Variants in UBE2E1 observed in about 807,000 individuals in gnomAD.
The protein encoded by UBE2E1 is ubiquitin conjugating enzyme E2 E1.
UBE2E1 carries 6 observed loss-of-function variants against 21.4 expected under a neutral mutation model. The observed-to-expected ratio is 0.28, with a 90% CI of 0.15 to 0.55. The LOEUF (loss-of-function observed/expected upper bound fraction) is 0.55, where lower values mean the gene tolerates loss of function less well. Ranked by LOEUF, UBE2E1 falls within the 20% of genes least tolerant of loss-of-function variation. The probability of loss-of-function intolerance (pLI) is 0.93; values close to 1 mark genes in which losing one functional copy is unlikely to be tolerated. For missense variants in UBE2E1, 142 were observed against 236.5 expected (o/e 0.60, Z 2.62); for synonymous variants, 87 against 82.7 (o/e 1.05, Z -0.28).
intron 3 of UBE2E1, among the ~76,000 whole-genome samples, chr3:23,833,609 A>G (rs1437332809): frequency 6.6e-6 from 1 of 152,252 alleles, no homozygotes; most frequent in Admixed American, 6.5e-5. Context: ...TAGCAAAGCT[A>G]GAGAGAAGAT....
chr3:23,888,055 C>T (rs1701230425), intron 4 of UBE2E1, among the ~76,000 whole-genome samples: 5 of 152,084 alleles, frequency 3.3e-5, no homozygotes, highest in Admixed American at 3.3e-4. Flanking sequence ...ACCTGTAGTC[C>T]AGCTACTTGG....
rs1290343926 is a variant in UBE2E1, at chr3:23,845,933, T to G, written c.203+34423T>G. Among the ~76,000 whole-genome samples, 4 of 152,206 alleles carry G rather than the reference T, an allele frequency of 2.6e-5. No homozygotes were observed. In the East Asian group the frequency reaches 7.7e-4, roughly 29 times the overall value. ...TTTTCTTTAGATTTTTTTAATCACTTAAAAATGTGAAAACCTTTCTTAACT... is the reference window on the plus strand; with the variant it reads ...TTTTCTTTAGATTTTTTTAATCACTGAAAAATGTGAAAACCTTTCTTAACT... On this transcript the variant is annotated intron_variant, in intron 3 of 5. Transcript: ENST00000306627.
chr3:23,832,854 A>G (rs913335384), intron 3 of UBE2E1, among the ~76,000 whole-genome samples: 1 of 151,818 alleles, frequency 6.6e-6, no homozygotes, highest in Admixed American at 6.6e-5. Context: ...AACATGGTGA[A>G]ACCCCCATCT....
At chr3:23,825,856 A>C (rs1361070473) in intron 3 of UBE2E1, among the ~76,000 whole-genome samples, 1 of 152,090 alleles carries the variant, frequency 6.6e-6, no homozygotes, top group Admixed American at 6.5e-5. Context: ...TATTTGGAGA[A>C]TACCTCACGT....
At chr3:23,866,138 C>A (rs1327288149) in intron 3 of UBE2E1, 4 of 152,504 alleles carry the variant, frequency 2.6e-5, no homozygotes, top group Non-Finnish European at 5.9e-5. Flanking sequence ...CAGCCTTCCT[C>A]TTGTCTCTCC....
chr3:23,809,455 A>G (rs1448084627), intron 2 of UBE2E1, among the ~76,000 whole-genome samples: 1 of 152,232 alleles, frequency 6.6e-6, no homozygotes, highest in Non-Finnish European at 1.5e-5. Flanking sequence ...TGCTAACTGC[A>G]TGTTGGAAAG....
At chr3:23,844,932 A>G (rs1700165580) in intron 3 of UBE2E1, among the ~76,000 whole-genome samples, 1 of 152,190 alleles carries the variant, frequency 6.6e-6, no homozygotes, top group African/African-American at 2.4e-5. Flanking sequence ...TATATGTAGG[A>G]TTTTAATATA....
intron 3 of UBE2E1, among the ~76,000 whole-genome samples, chr3:23,881,109 G>C (rs988163374): frequency 2.0e-5 from 3 of 152,176 alleles, no homozygotes; most frequent in Non-Finnish European, 4.4e-5. Flanking sequence ...TCAATGGAGA[G>C]TTTCCTATCA....
In UBE2E1 at chr3:23,887,637, G is replaced by A; in HGVS notation, c.274G>A (p.Glu92Lys). The A allele has an allele frequency of 6.2e-7, 1 of 1,614,098 alleles. No homozygotes were observed. Among genetic ancestry groups the A allele is most frequent in the Non-Finnish European group, 8.5e-7 (1 of 1,180,022 alleles). Residue 92 changes from glutamate (E) to lysine (K), a missense_variant, in exon 4 of 6, where the codon GAG becomes AAG. This residue lies in a region of UBE2E1 where 87 missense variants were observed against 184.9 expected (regional missense o/e 0.47). Transcript: ENST00000306627. This position sits in a 1 kb window ranked among gnomAD's most constrained non-coding sequence, Gnocchi z 4.4. ...TCTAGGGCCTCCAGGATCCGTGTAT[G>A]AGGGTGGTGTATTCTTTCTCGATAT... is the stretch of plus-strand genomic sequence containing the variant. ...TILGPPGSVY[E>K]GGVFFLDITF...
intron 3 of UBE2E1, among the ~76,000 whole-genome samples, chr3:23,872,401 G>C (rs540549623): frequency 4.0e-5 from 6 of 151,880 alleles, no homozygotes; most frequent in Non-Finnish European, 8.8e-5. Flanking sequence ...AGAGGGAGAG[G>C]CCTATTTAAA....
intron 3 of UBE2E1, among the ~76,000 whole-genome samples, chr3:23,866,848 G>C (rs1700667438): frequency 6.6e-6 from 1 of 152,208 alleles, no homozygotes; most frequent in Non-Finnish European, 1.5e-5. Context: ...ATCCAAATGT[G>C]AAAGAGAAAT....
chr3:23,841,639 A>G (rs1219001781), intron 3 of UBE2E1, among the ~76,000 whole-genome samples: 2 of 152,240 alleles, frequency 1.3e-5, no homozygotes, highest in African/African-American at 2.4e-5. Context: ...TTCATCTCTC[A>G]TACTTTTTCA....
At chr3:23,872,141 C>A (rs1022886069) in intron 3 of UBE2E1, among the ~76,000 whole-genome samples, 6 of 152,188 alleles carry the variant, frequency 3.9e-5, no homozygotes, top group Admixed American at 3.9e-4. Context: ...GAGGCCGAGG[C>A]TGACAAATCA....
intron 3 of UBE2E1, among the ~76,000 whole-genome samples, chr3:23,883,348 T>G (rs973832618): frequency 6.6e-6 from 1 of 152,126 alleles, no homozygotes. Flanking sequence ...GTGGGATGCT[T>G]GAACAGCCTC....
chr3:23,886,809 C>T (rs777742955), intron 3 of UBE2E1, among the ~76,000 whole-genome samples: 24 of 152,140 alleles, frequency 1.6e-4, no homozygotes, highest in Admixed American at 7.2e-4. Flanking sequence ...CAATTCACAT[C>T]GTACATTTAT....
intron 3 of UBE2E1, among the ~76,000 whole-genome samples, chr3:23,872,425 C>G (rs1700824170): frequency 6.6e-6 from 1 of 152,154 alleles, no homozygotes. Context: ...CTTAGTTTAA[C>G]TTTTGTTTTT....
At position 23,868,058 on chromosome 3, in the gene UBE2E1, T is replaced by C. The variant is rs150474188; in HGVS notation, c.204-19509T>C. Among the ~76,000 whole-genome samples the C allele has an allele frequency of 2.8e-4, 42 of 152,316 alleles. 1 individual carries two copies. The East Asian group carries it at 7.9e-3, about 29-fold the overall frequency. ...GATGTAGCATATCAGTGGGTCACTATTGAAAACATGTTTGGAATGAAGCAG... is the reference window on the plus strand; with the variant it reads ...GATGTAGCATATCAGTGGGTCACTACTGAAAACATGTTTGGAATGAAGCAG... On this transcript the variant is annotated intron_variant, in intron 3 of 5. Coordinates refer to ENST00000306627, the MANE Select transcript of UBE2E1 (RefSeq NM_003341.5).
At chr3:23,811,346 C>G (rs1490336392) in intron 2 of UBE2E1, 114 bp from the exon 3 acceptor site, 1 of 968,538 alleles carries the variant, frequency 1.0e-6, no homozygotes, top group Non-Finnish European at 1.6e-6. Context: ...CCTCTTTGCC[C>G]AGTAGAATCC....
chr3:23,869,453 G>C (rs972430420), intron 3 of UBE2E1, among the ~76,000 whole-genome samples: 1 of 135,470 alleles, frequency 7.4e-6, no homozygotes, highest in Non-Finnish European at 1.5e-5. Context: ...GTTAACTTCA[G>C]TGATGTCTCA....
Sources: gnomAD v4.1 joint callset for allele counts (sites outside exome capture counted in the v4.1 genomes callset) on GRCh38, gnomAD v4.1.1 for gene constraint, gnomAD v4.1.1 regional missense constraint, Gnocchi (gnomAD v3.1) non-coding constraint, MANE v1.5 for transcripts, NCBI Gene and HGNC (gene_info 2026-07-23, HGNC 2026-07-21) for gene names.